SKIC3: variants seen among roughly 807,000 people sequenced by gnomAD.
SKIC3 encodes the protein superkiller complex protein 3.
At chr5:95,547,400 C>G in the SKIC3 span, among the ~76,000 whole-genome samples, 2 of 152,144 alleles carry the variant, frequency 1.3e-5, no homozygotes, top group African/African-American at 4.8e-5. Context: ...TCCCCCTACT[C>G]TCAACAACCC....
At chr5:95,551,237 T>C in the SKIC3 span, among the ~76,000 whole-genome samples, 1 of 152,180 alleles carries the variant, frequency 6.6e-6, no homozygotes, top group Non-Finnish European at 1.5e-5. Context: ...AAGGATATTT[T>C]GATAGCATCC....
the SKIC3 span, chr5:95,529,432 C>T: frequency 3.2e-5 from 12 of 379,568 alleles, no homozygotes; most frequent in South Asian, 2.2e-4. Context: ...TTACTGATTC[C>T]CCACTGTTGT....
chr5:95,486,939 T>C, the SKIC3 span, among the ~76,000 whole-genome samples: 1 of 152,084 alleles, frequency 6.6e-6, no homozygotes, highest in African/African-American at 2.4e-5. Flanking sequence ...TAATACTGAG[T>C]GTCAACTTGA....
the SKIC3 span, among the ~76,000 whole-genome samples, chr5:95,532,640 T>C: frequency 6.6e-6 from 1 of 152,296 alleles, no homozygotes; most frequent in East Asian, 1.9e-4. Context: ...ATCTTATTCA[T>C]TGCAAATGAA....
the SKIC3 span, among the ~76,000 whole-genome samples, chr5:95,522,775 T>C: frequency 2.6e-5 from 4 of 152,306 alleles, no homozygotes; most frequent in East Asian, 7.7e-4. Context: ...AACAATTTTA[T>C]TTTGATTCAA....
the SKIC3 span, among the ~76,000 whole-genome samples, chr5:95,545,657 C>G: frequency 1.3e-5 from 2 of 152,180 alleles, no homozygotes; most frequent in African/African-American, 4.8e-5. Flanking sequence ...CTCACACTGT[C>G]TGTCACCTAC....
chr5:95,468,047 C>T, the SKIC3 span: 1 of 1,594,198 alleles, frequency 6.3e-7, no homozygotes, highest in South Asian at 1.1e-5. Flanking sequence ...AAGATATTTC[C>T]TATACTAATC....
the SKIC3 span, chr5:95,528,293 CT>C: frequency 9.9e-7 from 1 of 1,005,246 alleles, no homozygotes; most frequent in Non-Finnish European, 1.5e-6. Flanking sequence ...TAACTCAAAG[CT>C]AAATATAAAT....
chr5:95,541,035 C>T, the SKIC3 span, among the ~76,000 whole-genome samples: 8 of 152,106 alleles, frequency 5.3e-5, no homozygotes, highest in African/African-American at 2.4e-5. Flanking sequence ...GGCACAATCT[C>T]GGCTTACCAC....
the SKIC3 span, among the ~76,000 whole-genome samples, chr5:95,532,010 T>G: frequency 1.3e-4 from 19 of 151,976 alleles, no homozygotes; most frequent in African/African-American, 4.1e-4. Context: ...ATCTTCACCA[T>G]CCTAAAAAAA....
At chr5:95,547,465 T>A in the SKIC3 span, among the ~76,000 whole-genome samples, 1 of 152,152 alleles carries the variant, frequency 6.6e-6, no homozygotes, top group Non-Finnish European at 1.5e-5. Flanking sequence ...ATTTGTCACA[T>A]TTAATATACT....
the SKIC3 span, chr5:95,469,796 G>A: frequency 1.8e-5 from 29 of 1,613,824 alleles, no homozygotes; most frequent in African/African-American, 6.7e-5. Context: ...CCCATTTTGC[G>A]TTTGAATTGT....
the SKIC3 span, chr5:95,529,195 CT>C: frequency 1.0e-6 from 1 of 962,054 alleles, no homozygotes; most frequent in Non-Finnish European, 1.7e-6. Flanking sequence ...GACTCCTCCC[CT>C]CTTCATCTCT....
At chr5:95,529,170 C>T in the SKIC3 span, 2 of 1,340,052 alleles carry the variant, frequency 1.5e-6, no homozygotes, top group Non-Finnish European at 2.1e-6. Context: ...GCACCAATGC[C>T]TACTCTCCAA....
chr5:95,541,191 C>G, the SKIC3 span: 1 of 942,184 alleles, frequency 1.1e-6, no homozygotes, highest in Non-Finnish European at 1.7e-6. Context: ...GTCTCGAACT[C>G]CCGACCTCAG....
the SKIC3 span, chr5:95,543,195 G>C: frequency 1.2e-6 from 2 of 1,613,906 alleles, no homozygotes; most frequent in Admixed American, 3.3e-5. Flanking sequence ...TGCCAAGCTA[G>C]TAATTGGTCT....
At chr5:95,508,340 T>C in the SKIC3 span, among the ~76,000 whole-genome samples, 264 of 152,362 alleles carry the variant, frequency 1.7e-3, 1 homozygote, top group African/African-American at 6.0e-3. Flanking sequence ...ATGAGATCAA[T>C]AGTTATTTTC....
chr5:95,502,921 T>G, the SKIC3 span: 3 of 1,614,090 alleles, frequency 1.9e-6, no homozygotes, highest in Non-Finnish European at 2.5e-6. Flanking sequence ...TTTTTCCTTG[T>G]TTATATTCAG....
chr5:95,547,199 T>C, the SKIC3 span: 1 of 1,547,366 alleles, frequency 6.5e-7, no homozygotes, highest in Non-Finnish European at 8.9e-7. Flanking sequence ...ACCTACCCAA[T>C]CGTAAATGTT....
Sources: gnomAD v4.1 joint callset for allele counts (sites outside exome capture counted in the v4.1 genomes callset) on GRCh38, gnomAD v4.1.1 for gene constraint, MANE v1.5 for transcripts, NCBI Gene and HGNC (gene_info 2026-07-23, HGNC 2026-07-21) for gene names.